IGSF9B: variants seen among roughly 807,000 people sequenced by gnomAD.
IGSF9B encodes the protein immunoglobulin superfamily member 9B, also known as protein turtle homolog B.
Under a neutral mutation model 143.7 loss-of-function variants are expected in IGSF9B, and 48 were observed. The ratio of observed to expected loss-of-function variants is 0.33; its 90% CI spans 0.26 to 0.42. The LOEUF (loss-of-function observed/expected upper bound fraction) is 0.42. IGSF9B is among the 20% of genes least tolerant of loss of function. The pLI is 1.00. For synonymous variants in IGSF9B, 903 were observed against 833.1 expected (o/e 1.08, Z -1.44); for missense variants, 1,706 against 1,980.0 (o/e 0.86, Z 2.63).
In IGSF9B at chr11:133,903,026, C is replaced by T. The variant is rs772286769; in HGVS notation, c.*6043G>A. ...CTCCCCAGCCCAACCCCCTGCCCTC[C>T]GAGATTCCCTGCCCCTCCCACCACC... is the stretch of plus-strand genomic sequence containing the variant. On this transcript the variant is annotated 3_prime_UTR_variant, in exon 20 of 20. Coordinates refer to ENST00000533871, the MANE Select transcript of IGSF9B (RefSeq NM_001277285.4). 8.5e-5 allele frequency among the ~76,000 whole-genome samples: 13 copies of T among 152,122 alleles called. No individual in the cohort carries two copies. Among genetic ancestry groups the T allele is most frequent in the South Asian group, 2.1e-4 (1 of 4,826 alleles).
Position 133,921,109 on chromosome 11 carries a change from C to T in IGSF9B, c.2616G>A (p.Arg872=), listed in dbSNP as rs1004492080. Residue 872 remains arginine (R), a synonymous_variant, in exon 18 of 20, where the codon AGG becomes AGA. Transcript: ENST00000533871. ...PAEMEPSLKS[R]RIEGFPFAEE... is the part of the protein sequence containing the mutation. ...CGGCGAAGGGGAAGCCCTCGATGCG[C>T]CTGCTCTTCAGCGAGGGCTCCATCT... 3 of 1,613,858 alleles carry T rather than the reference C, an allele frequency of 1.9e-6. No individual in the cohort carries two copies. Among genetic ancestry groups the T allele is most frequent in the Non-Finnish European group, 1.7e-6 (2 of 1,179,878 alleles).
Position 133,911,982 on chromosome 11 carries a change from C to A in IGSF9B, c.4009G>T (p.Ala1337Ser). The A allele has an allele frequency of 6.5e-7, 1 of 1,532,608 alleles. No homozygotes were observed. Among genetic ancestry groups the A allele is most frequent in the Non-Finnish European group, 8.7e-7 (1 of 1,145,870 alleles). The allele number at this position is 1,532,608 out of a possible 1,614,324, so 94.9% of individuals were successfully genotyped here. A position where few individuals can be genotyped will look rare whatever the true frequency, so the allele number is the denominator to read the frequency against. The part of the protein sequence containing the change: ...SGTLPPAPGN[A>S]AAPERLEALK... ...GCCTCCAGCCTCTCAGGCGCAGCAG[C>A]GTTCCCGGGTGCAGGTGGAAGTGTT... Residue 1337 changes from alanine (A) to serine (S), a missense_variant, in exon 19 of 20, where the codon GCT (alanine) becomes TCT (serine). Physicochemically the swap from Ala to Ser is moderately conservative, Grantham distance 99. Around this residue, in one of 7 missense-constraint regions of IGSF9B, gnomAD observed 880 missense variants for 762.9 expected, o/e 1.15. Coordinates refer to ENST00000533871, the MANE Select transcript of IGSF9B (RefSeq NM_001277285.4).
chr11:133,936,736 G>A (rs1939831197), intron 5 of IGSF9B, among the ~76,000 whole-genome samples: 1 of 152,002 alleles, frequency 6.6e-6, no homozygotes, highest in Admixed American at 6.6e-5. Flanking sequence ...GAGGCAGGAG[G>A]AGCATGCAGC....
chr11:133,939,765 A>G (rs644854), intron 3 of IGSF9B, among the ~76,000 whole-genome samples: 56,407 of 150,204 alleles, frequency 0.38, 11,545 homozygotes, highest in Middle Eastern at 0.52. Context: ...GTCATCGCAC[A>G]CAGAAACACA....
chr11:133,949,612 T>C (rs1426687090), intron 1 of IGSF9B, among the ~76,000 whole-genome samples: 1 of 151,548 alleles, frequency 6.6e-6, no homozygotes, highest in African/African-American at 2.4e-5. Flanking sequence ...AGCCCAGCCC[T>C]GGGAGGGTGA....
chr11:133,925,014 C>G, intron 14 of IGSF9B, 110 bp from the exon 15 acceptor site: 1 of 836,796 alleles, frequency 1.2e-6, no homozygotes, highest in Non-Finnish European at 2.0e-6. Context: ...ACCCAAAGCA[C>G]AGGAGGACTG....
At chr11:133,954,837 A>T (rs957098189) in intron 1 of IGSF9B, among the ~76,000 whole-genome samples, 1 of 152,204 alleles carries the variant, frequency 6.6e-6, no homozygotes, top group African/African-American at 2.4e-5. Flanking sequence ...GTACATGTCC[A>T]GCCATTCCAG....
At chr11:133,919,652 C>CG (rs904349676) in intron 18 of IGSF9B, 90 bp downstream of exon 18, 2 of 854,914 alleles carry the variant, frequency 2.3e-6, no homozygotes, top group African/African-American at 3.5e-5. Flanking sequence ...GCCCTGTCGC[C>CG]GGGCGGATGG....
In IGSF9B at chr11:133,902,301, C is replaced by G. The variant is rs765137380; in HGVS notation, c.*6768G>C. Among the ~76,000 whole-genome samples the G allele has an allele frequency of 2.0e-4, 29 of 147,918 alleles. No individual in the cohort carries two copies. Among genetic ancestry groups the G allele is most frequent in the Non-Finnish European group, 3.3e-4 (22 of 66,806 alleles). ...ACACACCAGACACATCACACATACA[C>G]GCACACCACAGATACACACACACCA... On this transcript the variant is annotated 3_prime_UTR_variant, in exon 20 of 20. Coordinates refer to ENST00000533871, the MANE Select transcript of IGSF9B (RefSeq NM_001277285.4).
chr11:133,919,086 G>A (rs747819474), intron 18 of IGSF9B: 2 of 448,906 alleles, frequency 4.5e-6, no homozygotes, highest in South Asian at 1.6e-5. Flanking sequence ...GCGGGAGCTG[G>A]TCTGTCTCTC....
chr11:133,926,566 C>T (rs987389102), intron 13 of IGSF9B, among the ~76,000 whole-genome samples: 3 of 152,238 alleles, frequency 2.0e-5, no homozygotes, highest in African/African-American at 4.8e-5. Context: ...ACATGCCTAC[C>T]GCCCAGTGAC....
Position 133,898,787 on chromosome 11 carries a change from C to T in IGSF9B, c.*10282G>A, listed in dbSNP as rs1939065179. ...GTACCTTCCTCCCAGTCCCTGGACT[C>T]TGAGACTCCACCCTCCAATGCCACA... is the stretch of plus-strand genomic sequence containing the variant. On this transcript the variant is annotated 3_prime_UTR_variant, in exon 20 of 20. Coordinates refer to ENST00000533871, the MANE Select transcript of IGSF9B (RefSeq NM_001277285.4). The T allele has an allele frequency of 6.6e-6, 1 of 152,318 alleles. No individual in the cohort carries two copies. Among genetic ancestry groups the T allele is most frequent in the Admixed American group, 6.5e-5 (1 of 15,294 alleles). 9.4% of individuals were successfully genotyped at this position (152,318 alleles called of 1,614,324 possible). A position where few individuals can be genotyped will look rare whatever the true frequency, so the allele number is the denominator to read the frequency against.
intron 1 of IGSF9B, among the ~76,000 whole-genome samples, chr11:133,949,103 C>G (rs927586904): frequency 6.6e-6 from 1 of 152,200 alleles, no homozygotes; most frequent in African/African-American, 2.4e-5. Flanking sequence ...AGGCCGTCCC[C>G]TCCCAGCATC....
At position 133,944,274 on chromosome 11, in the gene IGSF9B, C is replaced by T. The variant is rs750367616; in HGVS notation, c.355G>A (p.Asp119Asn). 2.5e-6 allele frequency: 4 copies of T among 1,613,768 alleles called. No homozygotes were observed. In the South Asian group the frequency reaches 4.4e-5, roughly 18 times the overall value. The change falls in exon 3 of 20, where the codon GAC becomes AAC. Residue 119 changes from aspartate to asparagine, a missense_variant. Coordinates refer to ENST00000533871, the MANE Select transcript of IGSF9B (RefSeq NM_001277285.4). ...TTGTGGAAGGTGTCATACTGCTGGT[C>T]CAGCATGAGCACTTTGCACTCATAC... is the stretch of plus-strand genomic sequence containing the variant. ...GWYECKVLMLDQQYDTFHNGS... is the reference protein window; with the variant it reads ...GWYECKVLMLNQQYDTFHNGS...
At chr11:133,930,245 G>A (rs1057396643) in intron 11 of IGSF9B, among the ~76,000 whole-genome samples, 1 of 152,148 alleles carries the variant, frequency 6.6e-6, no homozygotes, top group Admixed American at 6.5e-5. Context: ...TCCTGGCTTC[G>A]ATTCCCGGAC....
chr11:133,910,784 CT>C (rs1355130614), intron 19 of IGSF9B, among the ~76,000 whole-genome samples: 1 of 151,806 alleles, frequency 6.6e-6, no homozygotes, highest in African/African-American at 2.4e-5. Flanking sequence ...TCTGATGTGA[CT>C]TTTTTTTGCA....
rs3802919 is a variant in IGSF9B at position 133,898,553 on chromosome 11, C to G, written c.*10516G>C. ...CATGAAGCGGGATGTGGTCCCTTCA[C>G]GTCAGTGACTGCGCCCCCTTCTGGG... On this transcript the variant is annotated 3_prime_UTR_variant, in exon 20 of 20. Coordinates refer to ENST00000533871, the MANE Select transcript of IGSF9B (RefSeq NM_001277285.4). 2 of 154,334 alleles carry G rather than the reference C, an allele frequency of 1.3e-5. No individual in the cohort carries two copies. Among genetic ancestry groups the G allele is most frequent in the African/African-American group, 4.8e-5 (2 of 41,528 alleles). 9.6% of individuals were successfully genotyped at this position (154,334 alleles called of 1,614,324 possible).
At chr11:133,955,169 A>G (rs1172078563) in intron 1 of IGSF9B, among the ~76,000 whole-genome samples, 1 of 152,142 alleles carries the variant, frequency 6.6e-6, no homozygotes, top group Non-Finnish European at 1.5e-5. Context: ...GGAAGACGGC[A>G]AGGAAATGGG....
In IGSF9B at chr11:133,901,632, T is replaced by G. The variant is rs547922363; in HGVS notation, c.*7437A>C. ...CCAATTCTGTAGATTTATATAATTT[T>G]ATGTACAGTCTCCATAAAAAATACA... On this transcript the variant is annotated 3_prime_UTR_variant, in exon 20 of 20. Coordinates refer to ENST00000533871, the MANE Select transcript of IGSF9B (RefSeq NM_001277285.4). 6.6e-6 allele frequency: 1 copy of G among 152,312 alleles called. No individual in the cohort carries two copies. Among genetic ancestry groups the G allele is most frequent in the African/African-American group, 2.4e-5 (1 of 41,550 alleles). 9.4% of individuals were successfully genotyped at this position (152,312 alleles called of 1,614,324 possible). A position where few individuals can be genotyped will look rare whatever the true frequency, so the allele number is the denominator to read the frequency against.
Sources: gnomAD v4.1 joint callset for allele counts (sites outside exome capture counted in the v4.1 genomes callset) on GRCh38, gnomAD v4.1.1 for gene constraint, gnomAD v4.1.1 regional missense constraint, MANE v1.5 for transcripts, NCBI Gene and HGNC (gene_info 2026-07-23, HGNC 2026-07-21) for gene names.